STK10: variants seen among roughly 807,000 people sequenced by gnomAD.
STK10 encodes serine/threonine kinase 10, also known as serine/threonine-protein kinase 10.
Under a neutral mutation model 113.8 loss-of-function variants are expected in STK10, and 78 were observed. The observed-to-expected ratio is 0.69, with a 90% CI of 0.57 to 0.83. The LOEUF (loss-of-function observed/expected upper bound fraction) is 0.83. Ranked by LOEUF, STK10 falls within the 40% of genes least tolerant of loss-of-function variation. STK10 has a pLI of 0.00. For missense variants in STK10, 1,109 were observed against 1,280.1 expected (o/e 0.87, Z 2.04); for synonymous variants, 465 against 494.7 (o/e 0.94, Z 0.80).
intron 1 of STK10, among the ~76,000 whole-genome samples, chr5:172,181,859 G>T (rs1428639733): frequency 1.3e-5 from 2 of 151,540 alleles, no homozygotes; most frequent in East Asian, 3.9e-4. Flanking sequence ...TTAGAACCAA[G>T]CAGGAAAAAA....
At chr5:172,060,650 T>C (rs1767911845) in intron 14 of STK10, among the ~76,000 whole-genome samples, 1 of 152,208 alleles carries the variant, frequency 6.6e-6, no homozygotes, top group Non-Finnish European at 1.5e-5. Context: ...CAGTCAGTGG[T>C]ATTTTGTTAC....
At chr5:172,149,338 C>G (rs1770156117) in intron 2 of STK10, among the ~76,000 whole-genome samples, 1 of 152,216 alleles carries the variant, frequency 6.6e-6, no homozygotes, top group Non-Finnish European at 1.5e-5. Flanking sequence ...GATTCACCCT[C>G]TAGGCCAAGG....
At chr5:172,173,611 C>T (rs777979239) in intron 1 of STK10, among the ~76,000 whole-genome samples, 1 of 152,200 alleles carries the variant, frequency 6.6e-6, no homozygotes, top group Non-Finnish European at 1.5e-5. Flanking sequence ...CGTCTCCAGG[C>T]TGGGATGCAG....
intron 4 of STK10, among the ~76,000 whole-genome samples, chr5:172,115,685 C>T (rs1440978141): frequency 1.3e-5 from 2 of 152,214 alleles, no homozygotes; most frequent in African/African-American, 2.4e-5. Context: ...GTTTGAACCC[C>T]AGTTGTTCCT....
intron 8 of STK10, 128 bp from the exon 9 acceptor site, chr5:172,094,088 A>G: frequency 3.2e-6 from 2 of 624,432 alleles, no homozygotes. Flanking sequence ...AGGAGAGCAG[A>G]TATCTCCCTA....
chr5:172,138,589 T>G (rs1769916006), intron 2 of STK10, among the ~76,000 whole-genome samples: 1 of 152,074 alleles, frequency 6.6e-6, no homozygotes, highest in Non-Finnish European at 1.5e-5. Flanking sequence ...AAAAATTCAA[T>G]TTACAACAGC....
At chr5:172,181,608 T>G (rs182768830) in intron 1 of STK10, among the ~76,000 whole-genome samples, 1 of 148,852 alleles carries the variant, frequency 6.7e-6, no homozygotes, top group South Asian at 2.3e-4. Flanking sequence ...TCACCCTCCC[T>G]GAGTAGCTGG....
intron 1 of STK10, among the ~76,000 whole-genome samples, chr5:172,186,648 A>C (rs73315905): frequency 0.02 from 2,980 of 151,732 alleles, 89 homozygotes; most frequent in African/African-American, 0.063. Context: ...AAAAGAAAAA[A>C]CGCCACCACT....
At chr5:172,079,234 A>T (rs1400725082) in intron 12 of STK10, among the ~76,000 whole-genome samples, 1 of 152,154 alleles carries the variant, frequency 6.6e-6, no homozygotes, top group Non-Finnish European at 1.5e-5. Flanking sequence ...AGCTCCTGCT[A>T]CATGGATGGT....
At chr5:172,164,346 C>G (rs559786158) in intron 1 of STK10, among the ~76,000 whole-genome samples, 2 of 152,230 alleles carry the variant, frequency 1.3e-5, no homozygotes, top group African/African-American at 4.8e-5. Flanking sequence ...TAAAGCCATC[C>G]TGCCCCTAAG....
intron 2 of STK10, among the ~76,000 whole-genome samples, chr5:172,148,346 T>G (rs1257911295): frequency 6.7e-6 from 1 of 150,006 alleles, no homozygotes; most frequent in African/African-American, 2.5e-5. Context: ...GCCCGGAGAG[T>G]ACTAATGCAG....
At chr5:172,102,705 G>C (rs1718617031) in intron 7 of STK10, among the ~76,000 whole-genome samples, 1 of 152,180 alleles carries the variant, frequency 6.6e-6, no homozygotes. Context: ...CCATGGCACA[G>C]AAACCGCTGA....
At chr5:172,104,590 T>C (rs11746714) in intron 7 of STK10, among the ~76,000 whole-genome samples, 15,160 of 152,222 alleles carry the variant, frequency 0.1, 866 homozygotes, top group East Asian at 0.13. Flanking sequence ...TCTCCCCTAA[T>C]GCACAGATAA....
intron 1 of STK10, among the ~76,000 whole-genome samples, chr5:172,182,373 T>C (rs908986517): frequency 6.6e-6 from 1 of 151,690 alleles, no homozygotes; most frequent in Admixed American, 6.6e-5. Flanking sequence ...TTTTCTATTT[T>C]TTGTTTTGTT....
At chr5:172,071,275 ATGAAAAGTTT>A (rs1768175493) in intron 12 of STK10, among the ~76,000 whole-genome samples, 1 of 140,742 alleles carries the variant, frequency 7.1e-6, no homozygotes, top group Non-Finnish European at 1.5e-5. Context: ...CCATGTAACA[ATGAAAAGTTT>A]AAAAAAAAAA....
intron 10 of STK10, among the ~76,000 whole-genome samples, chr5:172,089,600 G>A (rs1045891392): frequency 3.9e-5 from 6 of 152,212 alleles, no homozygotes; most frequent in Admixed American, 6.6e-5. Flanking sequence ...TAAAATGGAC[G>A]GATGGGTGAT....
At chr5:172,094,287 A>C (rs1768798178) in intron 8 of STK10, among the ~76,000 whole-genome samples, 2 of 152,174 alleles carry the variant, frequency 1.3e-5, no homozygotes, top group Non-Finnish European at 2.9e-5. Context: ...CATTCCAGCC[A>C]ATTGTGACAA....
At chr5:172,100,197 A>G (rs1341890277) in intron 7 of STK10, among the ~76,000 whole-genome samples, 1 of 152,184 alleles carries the variant, frequency 6.6e-6, no homozygotes, top group African/African-American at 2.4e-5. Context: ...CGCCCTGGCT[A>G]TGCTGCAAGG....
rs529418436 is a variant in STK10 at position 172,055,442 on chromosome 5, G to A, written c.2526+146C>T. 1.8e-4 allele frequency: 148 copies of A among 828,736 alleles called. 1 individual carries two copies. In the African/African-American group the frequency reaches 2.2e-3, roughly 12 times the overall value. The allele number at this position is 828,736 out of a possible 1,614,324, so 51.3% of individuals were successfully genotyped here. ...TGGGCTCAAGTGACCCGCCCGCCTC[G>A]GCCTCTCAAAGTGTTGGGATTACAG... On this transcript the variant is annotated intron_variant, in intron 16 of 18. Coordinates refer to ENST00000176763, the MANE Select transcript of STK10 (RefSeq NM_005990.4).
Sources: gnomAD v4.1 joint callset for allele counts (sites outside exome capture counted in the v4.1 genomes callset) on GRCh38, gnomAD v4.1.1 for gene constraint, MANE v1.5 for transcripts, NCBI Gene and HGNC (gene_info 2026-07-23, HGNC 2026-07-21) for gene names.